Variants in RBFOX3 observed in about 807,000 individuals in gnomAD.
The protein encoded by RBFOX3 is RNA binding protein fox-1 homolog 3.
Under a neutral mutation model 48.7 loss-of-function variants are expected in RBFOX3, and 17 were observed. The ratio of observed to expected loss-of-function variants is 0.35; its 90% CI spans 0.24 to 0.52. The LOEUF (loss-of-function observed/expected upper bound fraction) is 0.52, where lower values mean the gene tolerates loss of function less well. RBFOX3 is among the 20% of genes least tolerant of loss of function. The pLI is 0.94. For synonymous variants in RBFOX3, 212 were observed against 209.5 expected, an observed-to-expected ratio of 1.01 and a Z score of -0.10; for missense variants, 382 against 497.5, an observed-to-expected ratio of 0.77 and a Z score of 2.21.
the RBFOX3 span, among the ~76,000 whole-genome samples, chr17:79,626,936 T>C: frequency 1.3e-5 from 2 of 152,194 alleles, no homozygotes; most frequent in African/African-American, 2.4e-5. Context: ...CTCAGCCTCA[T>C]GTATGTCTTA....
upstream of RBFOX3, among the ~76,000 whole-genome samples, chr17:79,614,484 C>CT (rs2093986761): frequency 6.6e-6 from 1 of 151,678 alleles, no homozygotes. Context: ...TGCAGCCCCC[C>CT]TAAGGTGAGT....
rs193141284 is a variant in RBFOX3 at position 79,401,762 on chromosome 17, C to T, written c.-175+80692G>A. 1.7e-4 allele frequency among the ~76,000 whole-genome samples: 26 copies of T among 152,306 alleles called. No homozygotes were observed. In the East Asian group the frequency reaches 4.8e-3, roughly 28 times the overall value. ...CCAGGGCACCTGGCCCAGCAGTTCA[C>T]GGTCTGTACCCACTCAGATATCATT... On this transcript the variant is annotated intron_variant, in intron 2 of 14. Coordinates refer to ENST00000693108, the MANE Select transcript of RBFOX3 (RefSeq NM_001350451.2).
At chr17:79,508,399 C>T (rs965421655) in intron 1 of RBFOX3, among the ~76,000 whole-genome samples, 161 of 152,300 alleles carry the variant, frequency 1.1e-3, no homozygotes, top group African/African-American at 3.6e-3. Flanking sequence ...CGACCTCCTC[C>T]GCCTGCCTGC....
intron 4 of RBFOX3, among the ~76,000 whole-genome samples, chr17:79,124,367 A>C (rs1259645857): frequency 6.6e-6 from 1 of 152,232 alleles, no homozygotes; most frequent in Non-Finnish European, 1.5e-5. Context: ...ACACTGAACG[A>C]GGCTGTCTGC....
intron 1 of RBFOX3, among the ~76,000 whole-genome samples, chr17:79,591,024 GA>G (rs1338724316): frequency 1.8e-4 from 28 of 152,340 alleles, no homozygotes. Context: ...TCGGAGGGAC[GA>G]GAAGTTCCCG....
At chr17:79,322,788 A>AG (rs957028427) in intron 2 of RBFOX3, among the ~76,000 whole-genome samples, 3 of 152,144 alleles carry the variant, frequency 2.0e-5, no homozygotes, top group Non-Finnish European at 2.9e-5. Flanking sequence ...TGGGTTCTCA[A>AG]GGGGGGCCTG....
chr17:79,374,082 C>G (rs367686590), intron 2 of RBFOX3, among the ~76,000 whole-genome samples: 1 of 152,118 alleles, frequency 6.6e-6, no homozygotes, highest in Non-Finnish European at 1.5e-5. Flanking sequence ...AGGCTGGTCT[C>G]GCACTCCTGA....
intron 2 of RBFOX3, among the ~76,000 whole-genome samples, chr17:79,310,185 T>C (rs1457430817): frequency 1.3e-5 from 2 of 152,140 alleles, no homozygotes; most frequent in Non-Finnish European, 1.5e-5. Context: ...ATGGCCTCCA[T>C]AGCATGCATT....
intron 3 of RBFOX3, among the ~76,000 whole-genome samples, chr17:79,306,092 G>A (rs988406353): frequency 6.6e-6 from 1 of 152,228 alleles, no homozygotes; most frequent in East Asian, 1.9e-4. Flanking sequence ...GAATCTAGCC[G>A]ATAGGGCTCC....
chr17:79,386,294 G>A (rs1215060789), intron 2 of RBFOX3, among the ~76,000 whole-genome samples: 1 of 151,714 alleles, frequency 6.6e-6, no homozygotes, highest in Admixed American at 6.6e-5. Context: ...GCAGACAGGG[G>A]CTCCATCACC....
At chr17:79,177,235 G>A (rs1291428927) in intron 4 of RBFOX3, among the ~76,000 whole-genome samples, 1 of 150,924 alleles carries the variant, frequency 6.6e-6, no homozygotes, top group African/African-American at 2.5e-5. Flanking sequence ...CCCCAGCCTT[G>A]GAACCTGATA....
At chr17:79,436,982 A>C (rs1298625772) in intron 2 of RBFOX3, among the ~76,000 whole-genome samples, 1 of 152,036 alleles carries the variant, frequency 6.6e-6, no homozygotes. Context: ...CCTGGGAAGC[A>C]CTCTGTTAGA....
the RBFOX3 span, among the ~76,000 whole-genome samples, chr17:79,643,016 C>T: frequency 7.8e-4 from 118 of 152,254 alleles, 1 homozygote; most frequent in Admixed American, 4.4e-3. Context: ...CTGGGAGGAT[C>T]GCTCAAGCCC....
chr17:79,253,144 C>T (rs114024745), intron 3 of RBFOX3, among the ~76,000 whole-genome samples: 3,565 of 152,218 alleles, frequency 0.023, 130 homozygotes, highest in African/African-American at 0.081. Context: ...CGACAGACAC[C>T]GCAGAGGGAG....
intron 2 of RBFOX3, among the ~76,000 whole-genome samples, chr17:79,369,760 G>C (rs537073859): frequency 7.2e-5 from 11 of 152,118 alleles, no homozygotes; most frequent in Non-Finnish European, 1.5e-4. Flanking sequence ...CCCAGCTCAG[G>C]CTCTCTCTGC....
intron 1 of RBFOX3, among the ~76,000 whole-genome samples, chr17:79,587,517 G>A (rs1004684023): frequency 1.3e-5 from 2 of 152,224 alleles, no homozygotes; most frequent in Non-Finnish European, 2.9e-5. Flanking sequence ...CTGTTTGGGA[G>A]AAGGCGGCTG....
intron 4 of RBFOX3, among the ~76,000 whole-genome samples, chr17:79,209,283 G>T (rs1200833583): frequency 6.6e-6 from 1 of 150,684 alleles, no homozygotes; most frequent in Non-Finnish European, 1.5e-5. Context: ...TGCCCACATT[G>T]TTTGAACCCC....
intron 1 of RBFOX3, among the ~76,000 whole-genome samples, chr17:79,522,567 G>A (rs1247920227): frequency 6.6e-6 from 1 of 151,874 alleles, no homozygotes; most frequent in East Asian, 1.9e-4. Flanking sequence ...CCTCTCACCC[G>A]ACACACACAC....
intron 2 of RBFOX3, among the ~76,000 whole-genome samples, chr17:79,398,089 C>A (rs918068688): frequency 2.0e-5 from 3 of 152,128 alleles, no homozygotes; most frequent in Non-Finnish European, 4.4e-5. Flanking sequence ...CTTGTCGGGG[C>A]CCCAGAGTCA....
Sources: allele counts gnomAD v4.1 joint callset (sites outside exome capture counted in the v4.1 genomes callset), GRCh38; gene constraint gnomAD v4.1.1; transcripts MANE v1.5; gene names NCBI Gene and HGNC (gene_info 2026-07-23, HGNC 2026-07-21).